PNMA8B: variants seen among roughly 807,000 people sequenced by gnomAD.
PNMA8B encodes the protein PNMA family member 8B, also known as paraneoplastic antigen-like protein 8B.
For synonymous variants in PNMA8B, 386 were observed against 394.9 expected, an observed-to-expected ratio of 0.98 and a Z score of 0.27; for missense variants, 887 against 885.8, an observed-to-expected ratio of 1.00 and a Z score of -0.02.
chr19:46,493,585 G>A lies in PNMA8B; in HGVS notation c.1881C>T (p.Gly627=), dbSNP rs1320811417. 5.4e-6 allele frequency: 8 copies of A among 1,468,340 alleles called. No individual in the cohort carries two copies. The highest frequency in any genetic ancestry group is 2.7e-5 in the East Asian group (1 of 37,640). 91.0% of individuals were successfully genotyped at this position (1,468,340 alleles called of 1,614,324 possible). A position where few individuals can be genotyped will look rare whatever the true frequency, so the allele number is the denominator to read the frequency against. ...KAARGKKARR[G]RRLPPKCR ...AGCGGCATTTAGGGGGCAGCCTCCG[G>A]CCCCGACGGGCCTTCTTCCCGCGCG... Residue 627 remains glycine, a synonymous_variant, in exon 1 of 1, where the codon GGC becomes GGT. Coordinates refer to ENST00000599531, the MANE Select transcript of PNMA8B (RefSeq NM_020709.3). The surrounding 1 kb of genome is among the most constrained non-coding windows in gnomAD (Gnocchi z 5.3).
rs1399180758 is a variant in PNMA8B at position 46,495,367 on chromosome 19, T to C, written c.99A>G (p.Ala33=). The C allele has an allele frequency of 1.1e-5, 14 of 1,310,812 alleles. No individual in the cohort carries two copies. The highest frequency in any genetic ancestry group is 1.5e-5 in the Non-Finnish European group (14 of 903,966). The allele number at this position is 1,310,812 out of a possible 1,614,324, so 81.2% of individuals were successfully genotyped here. A position where few individuals can be genotyped will look rare whatever the true frequency, so the allele number is the denominator to read the frequency against. Residue 33 remains alanine (A), a synonymous_variant, in exon 1 of 1, where the codon GCA becomes GCG. Coordinates refer to ENST00000599531, the MANE Select transcript of PNMA8B (RefSeq NM_020709.3). ...TCGGCTGCAGGACGGCTTCGACGTC[T>C]GCCTGCTCCAGGCCCTCCGGGATGC... ...VTGIPEGLEQ[A]DVEAVLQPTL...
chr19:46,494,288 G>C lies in PNMA8B; in HGVS notation c.1178C>G (p.Ala393Gly). 10 of 1,611,494 alleles carry C rather than the reference G, an allele frequency of 6.2e-6. No homozygotes were observed. The highest frequency in any genetic ancestry group is 8.5e-6 in the Non-Finnish European group (10 of 1,179,542). ...TNGTRVKVEE[A>G]GREVDAVVLR... is the part of the protein sequence containing the mutation. ...GACCACGGCGTCCACCTCGCGGCCC[G>C]CCTCTTCCACCTTCACGCGGGTCCC... The change falls in exon 1 of 1, where the codon GCG (alanine) becomes GGG (glycine). Residue 393 changes from alanine to glycine, a missense_variant. Coordinates refer to ENST00000599531, the MANE Select transcript of PNMA8B (RefSeq NM_020709.3).
Position 46,495,782 on chromosome 19 carries a change from G to A in PNMA8B, c.-317C>T, listed in dbSNP as rs958189317. ...CAGGCCTGAGTGACTCGGCACCGCA[G>A]CCAGGTGCAGGGGGGCGGCGCCGAG... is the stretch of plus-strand genomic sequence containing the variant. On this transcript the variant is annotated 5_prime_UTR_variant, in exon 1 of 1. Transcript: ENST00000599531. The A allele has an allele frequency of 7.0e-6, 2 of 287,452 alleles. No individual in the cohort carries two copies. Among genetic ancestry groups the A allele is most frequent in the Non-Finnish European group, 1.4e-5 (2 of 144,014 alleles). 17.8% of individuals were successfully genotyped at this position (287,452 alleles called of 1,614,324 possible). A position where few individuals can be genotyped will look rare whatever the true frequency, so the allele number is the denominator to read the frequency against.
At position 46,493,472 on chromosome 19, in the gene PNMA8B, G is replaced by A. The variant is rs1970034915; in HGVS notation, c.*86C>T. On this transcript the variant is annotated 3_prime_UTR_variant, in exon 1 of 1. Transcript: ENST00000599531. The surrounding 1 kb of genome is among the most constrained non-coding windows in gnomAD (Gnocchi z 5.3). ...AGGAGATTGCGTCTGCGGAGGACAG[G>A]AAGAGGGGAGGGGAGGGCGGGGGCC... is the stretch of plus-strand genomic sequence containing the variant. 1 of 825,192 alleles carries A rather than the reference G, an allele frequency of 1.2e-6. No individual in the cohort carries two copies. Among genetic ancestry groups the A allele is most frequent in the Non-Finnish European group, 1.6e-6 (1 of 612,512 alleles). The allele number at this position is 825,192 out of a possible 1,614,324, so 51.1% of individuals were successfully genotyped here.
Position 46,494,057 on chromosome 19 carries a change from T to A in PNMA8B, c.1409A>T (p.Asn470Ile). ...TTTGTACTTCCCGCCTTCCCAGGCGTTTTCTTTTTCCTCCTTCATCACCTC... is the reference window on the plus strand; with the variant it reads ...TTTGTACTTCCCGCCTTCCCAGGCGATTTCTTTTTCCTCCTTCATCACCTC... ...MAEVMKEEKENAWEGGKYKYP... is the reference protein window; with the variant it reads ...MAEVMKEEKEIAWEGGKYKYP... Residue 470 changes from asparagine (N) to isoleucine (I), a missense_variant, in exon 1 of 1, where the codon AAC becomes ATC. By Grantham distance (149) the Asn-to-Ile change is moderately radical. Transcript: ENST00000599531. 1 of 1,613,176 alleles carries A rather than the reference T, an allele frequency of 6.2e-7. No individual in the cohort carries two copies. The highest frequency in any genetic ancestry group is 8.5e-7 in the Non-Finnish European group (1 of 1,179,752).
At position 46,491,547 on chromosome 19, in the gene PNMA8B, G is replaced by A. The variant is rs1027921322; in HGVS notation, c.*2011C>T. 18 of 152,564 alleles carry A rather than the reference G, an allele frequency of 1.2e-4. No individual in the cohort carries two copies. The highest frequency in any genetic ancestry group is 4.1e-4 in the African/African-American group (17 of 41,488). The allele number at this position is 152,564 out of a possible 1,614,324, so 9.5% of individuals were successfully genotyped here. On this transcript the variant is annotated 3_prime_UTR_variant, in exon 1 of 1. Transcript: ENST00000599531. ...GCAGAGTGTATCTGGGTGGAAGCTA[G>A]GGTGGGGATTGGCTGGGCGGGGTCT...
Position 46,494,574 on chromosome 19 carries a change from C to A in PNMA8B, c.892G>T (p.Val298Leu). Residue 298 changes from valine (V) to leucine (L), a missense_variant, in exon 1 of 1, where the codon GTG becomes TTG. Transcript: ENST00000599531. Reference sequence around the variant, plus strand: ...GGCTCCTCGTCCGGGGTGTCTCTCACAGCCAGCAGGGCCACTAAGTCGGGG... The same window carrying A: ...GGCTCCTCGTCCGGGGTGTCTCTCAAAGCCAGCAGGGCCACTAAGTCGGGG... Reference protein sequence around the residue: ...GVPDLVALLAVRDTPDEEPVD... With the variant: ...GVPDLVALLALRDTPDEEPVD... The A allele has an allele frequency of 1.2e-6, 2 of 1,614,086 alleles. No homozygotes were observed. Among genetic ancestry groups the A allele is most frequent in the Non-Finnish European group, 1.7e-6 (2 of 1,179,898 alleles).
chr19:46,494,949 A>T lies in PNMA8B; in HGVS notation c.517T>A (p.Leu173Met). ...CTTCTCTTCTTGCCCTTCTGGGTCAACCTGTTGCGTCTGGTTCTGTTTCTG... is the reference window on the plus strand; with the variant it reads ...CTTCTCTTCTTGCCCTTCTGGGTCATCCTGTTGCGTCTGGTTCTGTTTCTG... ...GRRNRTRRNRLTQKGKKRSRG... is the reference protein window; with the variant it reads ...GRRNRTRRNRMTQKGKKRSRG... The change falls in exon 1 of 1, where the codon TTG becomes ATG. Residue 173 changes from leucine (L) to methionine (M), a missense_variant. Transcript: ENST00000599531. The T allele has an allele frequency of 6.2e-7, 1 of 1,609,408 alleles. No individual in the cohort carries two copies. Among genetic ancestry groups the T allele is most frequent in the South Asian group, 1.1e-5 (1 of 91,068 alleles).
Position 46,493,613 on chromosome 19 carries a change from G to T in PNMA8B, c.1853C>A (p.Ala618Asp). Residue 618 changes from alanine (A) to aspartate (D), a missense_variant, in exon 1 of 1, where the codon GCC becomes GAC. Coordinates refer to ENST00000599531, the MANE Select transcript of PNMA8B (RefSeq NM_020709.3). This position sits in a 1 kb window ranked among gnomAD's most constrained non-coding sequence, Gnocchi z 5.3. Reference sequence around the variant, plus strand: ...CCGACGGGCCTTCTTCCCGCGCGCGGCCTTGGATCCAGTGGGCGCCTGGCC... The same window carrying T: ...CCGACGGGCCTTCTTCCCGCGCGCGTCCTTGGATCCAGTGGGCGCCTGGCC... ...AKGQAPTGSK[A>D]ARGKKARRGR... 1 of 1,517,296 alleles carries T rather than the reference G, an allele frequency of 6.6e-7. No individual in the cohort carries two copies. 94.0% of individuals were successfully genotyped at this position (1,517,296 alleles called of 1,614,324 possible). A position where few individuals can be genotyped will look rare whatever the true frequency, so the allele number is the denominator to read the frequency against.
chr19:46,493,470 A>AG lies in PNMA8B; in HGVS notation c.*87dup. 3 of 774,928 alleles carry AG rather than the reference A, an allele frequency of 3.9e-6. No individual in the cohort carries two copies. The highest frequency in any genetic ancestry group is 5.1e-6 in the Non-Finnish European group (3 of 584,772). 48.0% of individuals were successfully genotyped at this position (774,928 alleles called of 1,614,324 possible). ...CGAGGAGATTGCGTCTGCGGAGGAC[A>AG]GGAAGAGGGGAGGGGAGGGCGGGGG... On this transcript the variant is annotated 3_prime_UTR_variant, in exon 1 of 1. Coordinates refer to ENST00000599531, the MANE Select transcript of PNMA8B (RefSeq NM_020709.3). The surrounding 1 kb of genome is among the most constrained non-coding windows in gnomAD (Gnocchi z 5.3).
At position 46,495,351 on chromosome 19, in the gene PNMA8B, G is replaced by T; in HGVS notation, c.115C>A (p.Leu39Met). The T allele has an allele frequency of 7.8e-7, 1 of 1,287,528 alleles. No individual in the cohort carries two copies. Among genetic ancestry groups the T allele is most frequent in the Non-Finnish European group, 1.1e-6 (1 of 882,482 alleles). 79.8% of individuals were successfully genotyped at this position (1,287,528 alleles called of 1,614,324 possible). A position where few individuals can be genotyped will look rare whatever the true frequency, so the allele number is the denominator to read the frequency against. The change falls in exon 1 of 1, where the codon CTG becomes ATG. Residue 39 changes from leucine to methionine, a missense_variant. Transcript: ENST00000599531. ...CCCAGGGGCAGGAGGGTCGGCTGCA[G>T]GACGGCTTCGACGTCTGCCTGCTCC... ...GLEQADVEAV[L>M]QPTLLPLGTF... is the part of the protein sequence containing the mutation.
Position 46,493,679 on chromosome 19 carries a change from C to G in PNMA8B, c.1787G>C (p.Ser596Thr). ...DAAGSRKKKG[S>T]AGAGAHARAG... ...CCTGGCATGGGCCCCGGCGCCCGCG[C>G]TCCCCTTCTTCTTCCTGCTTCCTGC... The change falls in exon 1 of 1, where the codon AGC becomes ACC. Residue 596 changes from serine to threonine, a missense_variant. Ser to Thr is a moderately conservative substitution (Grantham distance 58, BLOSUM62 1). Coordinates refer to ENST00000599531, the MANE Select transcript of PNMA8B (RefSeq NM_020709.3). The surrounding 1 kb of genome is among the most constrained non-coding windows in gnomAD (Gnocchi z 5.3). The G allele has an allele frequency of 6.5e-7, 1 of 1,533,408 alleles. No homozygotes were observed. The highest frequency in any genetic ancestry group is 8.7e-7 in the Non-Finnish European group (1 of 1,148,652). 95.0% of individuals were successfully genotyped at this position (1,533,408 alleles called of 1,614,324 possible).
In PNMA8B at chr19:46,492,472, G is replaced by C. The variant is rs1182899640; in HGVS notation, c.*1086C>G. On this transcript the variant is annotated 3_prime_UTR_variant, in exon 1 of 1. Coordinates refer to ENST00000599531, the MANE Select transcript of PNMA8B (RefSeq NM_020709.3). Reference sequence around the variant, plus strand: ...GGCAGGGCTGGGGTTTCCTCCCCAGGTCATTTCATCCCCTGTAAGGAGGGA... The same window carrying C: ...GGCAGGGCTGGGGTTTCCTCCCCAGCTCATTTCATCCCCTGTAAGGAGGGA... 1 of 167,992 alleles carries C rather than the reference G, an allele frequency of 6.0e-6. No homozygotes were observed. The highest frequency in any genetic ancestry group is 1.8e-4 in the East Asian group (1 of 5,470). 10.4% of individuals were successfully genotyped at this position (167,992 alleles called of 1,614,324 possible). A position where few individuals can be genotyped will look rare whatever the true frequency, so the allele number is the denominator to read the frequency against.
In PNMA8B at chr19:46,493,495, G is replaced by T; in HGVS notation, c.*63C>A. On this transcript the variant is annotated 3_prime_UTR_variant, in exon 1 of 1. Transcript: ENST00000599531. The surrounding 1 kb of genome is among the most constrained non-coding windows in gnomAD (Gnocchi z 5.3). ...AGGAAGAGGGGAGGGGAGGGCGGGG[G>T]CCACAGGCGGGCGGGTGCCCTGCGG... is the stretch of plus-strand genomic sequence containing the variant. The T allele has an allele frequency of 9.8e-7, 1 of 1,018,952 alleles. No individual in the cohort carries two copies. Among genetic ancestry groups the T allele is most frequent in the Non-Finnish European group, 1.3e-6 (1 of 784,998 alleles). The allele number at this position is 1,018,952 out of a possible 1,614,324, so 63.1% of individuals were successfully genotyped here.
rs1379363854 is a variant in PNMA8B, at chr19:46,492,111, G to A, written c.*1447C>T. ...ATCTGGGTGTCCCTGACATAGGACT[G>A]GGACAGTCTGGTCTGGACTGTGAGG... is the stretch of plus-strand genomic sequence containing the variant. On this transcript the variant is annotated 3_prime_UTR_variant, in exon 1 of 1. Transcript: ENST00000599531. 4.7e-6 allele frequency: 2 copies of A among 425,108 alleles called. No individual in the cohort carries two copies. The highest frequency in any genetic ancestry group is 3.3e-5 in the South Asian group (2 of 60,460). The allele number at this position is 425,108 out of a possible 1,614,324, so 26.3% of individuals were successfully genotyped here. A position where few individuals can be genotyped will look rare whatever the true frequency, so the allele number is the denominator to read the frequency against.
chr19:46,495,323 G>T lies in PNMA8B; in HGVS notation c.143C>A (p.Thr48Lys). 2 of 1,303,526 alleles carry T rather than the reference G, an allele frequency of 1.5e-6. No individual in the cohort carries two copies. The highest frequency in any genetic ancestry group is 2.2e-6 in the Non-Finnish European group (2 of 896,350). 80.7% of individuals were successfully genotyped at this position (1,303,526 alleles called of 1,614,324 possible). The change falls in exon 1 of 1, where the codon ACG (threonine) becomes AAG (lysine). Residue 48 changes from threonine to lysine, a missense_variant. Coordinates refer to ENST00000599531, the MANE Select transcript of PNMA8B (RefSeq NM_020709.3). ...VLQPTLLPLG[T>K]FRLRHMKALM... is the part of the protein sequence containing the mutation. ...AGCCTTCATGTGTCGCAACCTGAAC[G>T]TGCCCAGGGGCAGGAGGGTCGGCTG...
Position 46,494,628 on chromosome 19 carries a change from A to G in PNMA8B, c.838T>C (p.Leu280=), listed in dbSNP as rs765255923. 1.2e-6 allele frequency: 2 copies of G among 1,613,994 alleles called. No individual in the cohort carries two copies. Among genetic ancestry groups the G allele is most frequent in the Admixed American group, 1.7e-5 (1 of 60,028 alleles). Residue 280 remains leucine (L), a synonymous_variant, in exon 1 of 1, where the codon TTG becomes CTG. Coordinates refer to ENST00000599531, the MANE Select transcript of PNMA8B (RefSeq NM_020709.3). ...CCATTTTTGTCTTCTTTGGTGTTCA[A>G]GCGGATGGATTCGGCCCCAGCTGGC... ...KEPAGAESIR[L]NTKEDKNGVP... is the part of the protein sequence containing the mutation.
Position 46,492,162 on chromosome 19 carries a change from C to T in PNMA8B, c.*1396G>A, listed in dbSNP as rs571626340. 4.6e-6 allele frequency: 2 copies of T among 438,330 alleles called. No homozygotes were observed. Among genetic ancestry groups the T allele is most frequent in the African/African-American group, 2.0e-5 (1 of 49,828 alleles). The allele number at this position is 438,330 out of a possible 1,614,324, so 27.2% of individuals were successfully genotyped here. A position where few individuals can be genotyped will look rare whatever the true frequency, so the allele number is the denominator to read the frequency against. Reference sequence around the variant, plus strand: ...TCACACCCAAACCCTCCTATTCCTTCCCAGGGACAAGTGGGGCAGGGCCCC... The same window carrying T: ...TCACACCCAAACCCTCCTATTCCTTTCCAGGGACAAGTGGGGCAGGGCCCC... On this transcript the variant is annotated 3_prime_UTR_variant, in exon 1 of 1. Transcript: ENST00000599531.
At position 46,495,856 on chromosome 19, in the gene PNMA8B, C is replaced by G. The variant is rs1021234333; in HGVS notation, c.-391G>C. The G allele has an allele frequency of 3.0e-4, 58 of 191,876 alleles. No individual in the cohort carries two copies. The highest frequency in any genetic ancestry group is 1.2e-3 in the Admixed American group (21 of 17,384). The allele number at this position is 191,876 out of a possible 1,614,324, so 11.9% of individuals were successfully genotyped here. On this transcript the variant is annotated 5_prime_UTR_variant, in exon 1 of 1. Transcript: ENST00000599531. Reference sequence around the variant, plus strand: ...TAGCAGCCGCAGCTTGCCTGGCGCTCGCGCCGCGTCTGAGCGCGCACCCTG... The same window carrying G: ...TAGCAGCCGCAGCTTGCCTGGCGCTGGCGCCGCGTCTGAGCGCGCACCCTG...
Sources: gnomAD v4.1 joint callset for allele counts on GRCh38, gnomAD v4.1.1 for gene constraint, Gnocchi (gnomAD v3.1) non-coding constraint, MANE v1.5 for transcripts, NCBI Gene and HGNC (gene_info 2026-07-23, HGNC 2026-07-21) for gene names.